PDE4D: variants seen among roughly 807,000 people sequenced by gnomAD.
The protein encoded by PDE4D is 3',5'-cyclic-AMP phosphodiesterase 4D.
A neutral mutation model predicts 87.4 loss-of-function variants in PDE4D; 24 were observed. The observed-to-expected ratio is 0.27, with a 90% CI of 0.20 to 0.39. The LOEUF is 0.39. PDE4D is among the 10% of genes least tolerant of loss of function. The pLI is 1.00. For missense variants in PDE4D, 714 were observed against 1,041.0 expected, an observed-to-expected ratio of 0.69 and a Z score of 4.32; for synonymous variants, 384 against 383.2, an observed-to-expected ratio of 1.00 and a Z score of -0.02.
At chr5:59,171,515 C>T (rs1782757218) in intron 5 of PDE4D, among the ~76,000 whole-genome samples, 1 of 152,056 alleles carries the variant, frequency 6.6e-6, no homozygotes, top group Non-Finnish European at 1.5e-5. Flanking sequence ...TTTATGTAGG[C>T]CTCAAATATT....
At chr5:60,454,099 C>T (rs1008342485) in intron 1 of PDE4D, among the ~76,000 whole-genome samples, 5 of 152,098 alleles carry the variant, frequency 3.3e-5, no homozygotes, top group Non-Finnish European at 5.9e-5. Flanking sequence ...AAAATGAGGA[C>T]GACCCTGCCA....
chr5:60,092,862 G>A (rs952989971), intron 2 of PDE4D, among the ~76,000 whole-genome samples: 2 of 152,154 alleles, frequency 1.3e-5, no homozygotes, highest in African/African-American at 4.8e-5. Flanking sequence ...CTTGACTCTG[G>A]GGACAATACA....
intron 5 of PDE4D, among the ~76,000 whole-genome samples, chr5:59,148,397 C>T (rs1223879841): frequency 6.6e-6 from 1 of 152,140 alleles, no homozygotes; most frequent in African/African-American, 2.4e-5. Context: ...TGTTGTTTCT[C>T]TCCTTCTCTA....
intron 1 of PDE4D, among the ~76,000 whole-genome samples, chr5:60,280,014 T>C (rs1197232813): frequency 2.0e-5 from 3 of 151,924 alleles, no homozygotes; most frequent in East Asian, 1.9e-4. Flanking sequence ...AAGTCTGGTA[T>C]ATATGAGAAA....
intron 1 of PDE4D, among the ~76,000 whole-genome samples, chr5:59,593,120 A>C (rs905336089): frequency 2.6e-5 from 4 of 152,146 alleles, no homozygotes; most frequent in African/African-American, 9.6e-5. Flanking sequence ...AAAAAATACA[A>C]ATAATGTAAT....
At chr5:60,393,542 GAT>G (rs1391309383) in intron 1 of PDE4D, among the ~76,000 whole-genome samples, 1 of 152,142 alleles carries the variant, frequency 6.6e-6, no homozygotes, top group Admixed American at 6.6e-5. Flanking sequence ...CAAGGAATAA[GAT>G]ATGTTTGTAT....
chr5:59,635,827 G>T (rs1284436028), intron 1 of PDE4D, among the ~76,000 whole-genome samples: 1 of 152,210 alleles, frequency 6.6e-6, no homozygotes, highest in Non-Finnish European at 1.5e-5. Context: ...ACTGGCACAA[G>T]ACAAGGATGC....
intron 1 of PDE4D, among the ~76,000 whole-genome samples, chr5:60,302,601 A>G (rs1754003028): frequency 6.6e-6 from 1 of 151,668 alleles, no homozygotes; most frequent in Non-Finnish European, 1.5e-5. Flanking sequence ...TTTATTAATT[A>G]TTTTCAAAAC....
At chr5:60,447,774 G>A (rs1355911811) in intron 1 of PDE4D, among the ~76,000 whole-genome samples, 1 of 152,122 alleles carries the variant, frequency 6.6e-6, no homozygotes, top group Non-Finnish European at 1.5e-5. Context: ...ACTTGACAAG[G>A]ACACCAAGCT....
chr5:60,382,407 C>G (rs1266163325), intron 1 of PDE4D, among the ~76,000 whole-genome samples: 1 of 152,126 alleles, frequency 6.6e-6, no homozygotes, highest in Non-Finnish European at 1.5e-5. Context: ...TAACACATTT[C>G]TATTTTTCTG....
chr5:59,400,625 T>C (rs1173306256), intron 1 of PDE4D, among the ~76,000 whole-genome samples: 5 of 150,472 alleles, frequency 3.3e-5, no homozygotes, highest in African/African-American at 7.3e-5. Context: ...GGAGATATAC[T>C]TAATGCTAGA....
At chr5:60,500,545 T>TAAC (rs1163605720) in intron 1 of PDE4D, among the ~76,000 whole-genome samples, 1 of 152,220 alleles carries the variant, frequency 6.6e-6, no homozygotes, top group African/African-American at 2.4e-5. Context: ...ATGATAATAA[T>TAAC]AACATGCATT....
At chr5:59,602,626 G>C (rs1264853110) in intron 1 of PDE4D, among the ~76,000 whole-genome samples, 2 of 151,940 alleles carry the variant, frequency 1.3e-5, no homozygotes, top group African/African-American at 2.4e-5. Flanking sequence ...ACAATCTACA[G>C]ATTCATTATA....
intron 3 of PDE4D, among the ~76,000 whole-genome samples, chr5:59,918,874 G>C (rs1221339764): frequency 6.6e-6 from 1 of 152,182 alleles, no homozygotes; most frequent in Non-Finnish European, 1.5e-5. Flanking sequence ...CAGAGGACCA[G>C]CTAGGCCATG....
intron 5 of PDE4D, among the ~76,000 whole-genome samples, chr5:59,055,865 C>T (rs1349860767): frequency 6.6e-6 from 1 of 152,184 alleles, no homozygotes; most frequent in Non-Finnish European, 1.5e-5. Context: ...ACTTGTTGAA[C>T]CCCACCAGTA....
intron 1 of PDE4D, among the ~76,000 whole-genome samples, chr5:59,779,353 T>A (rs1410134818): frequency 1.3e-5 from 2 of 152,182 alleles, no homozygotes; most frequent in African/African-American, 2.4e-5. Flanking sequence ...CTGTTACCAG[T>A]TGTGTTTGTT....
intron 5 of PDE4D, among the ~76,000 whole-genome samples, chr5:59,072,797 A>G (rs1257616760): frequency 1.3e-5 from 2 of 152,124 alleles, no homozygotes; most frequent in Non-Finnish European, 1.5e-5. Context: ...GTCTTTAATG[A>G]TTTAACATTG....
chr5:59,086,755 C>A (rs1767765467), intron 5 of PDE4D, among the ~76,000 whole-genome samples: 1 of 152,164 alleles, frequency 6.6e-6, no homozygotes, highest in African/African-American at 2.4e-5. Context: ...AACCCATGTA[C>A]AATTCTTGAG....
At chr5:60,195,454 C>T (rs1432066397) in intron 1 of PDE4D, among the ~76,000 whole-genome samples, 1 of 151,730 alleles carries the variant, frequency 6.6e-6, no homozygotes, top group Non-Finnish European at 1.5e-5. Context: ...AAGAAAAGCA[C>T]ATTTTGTCTC....
Sources: allele counts gnomAD v4.1 joint callset (sites outside exome capture counted in the v4.1 genomes callset), GRCh38; gene constraint gnomAD v4.1.1; transcripts MANE v1.5; gene names NCBI Gene and HGNC (gene_info 2026-07-23, HGNC 2026-07-21).